RBFOX1: variants seen among roughly 807,000 people sequenced by gnomAD.
RBFOX1 encodes RNA binding fox-1 homolog 1.
A neutral mutation model predicts 57.7 loss-of-function variants in RBFOX1; 8 were observed. The observed-to-expected ratio is 0.14, with a 90% CI of 0.08 to 0.25. RBFOX1 has a LOEUF of 0.25. RBFOX1 is among the 10% of genes least tolerant of loss of function. The pLI is 1.00. For missense variants in RBFOX1, 611 were observed against 548.5 expected, an observed-to-expected ratio of 1.11 and a Z score of -1.14; for synonymous variants, 326 against 222.4, an observed-to-expected ratio of 1.47 and a Z score of -4.15.
At chr16:6,775,518 A>G (rs1285599780) in intron 3 of RBFOX1, among the ~76,000 whole-genome samples, 1 of 152,158 alleles carries the variant, frequency 6.6e-6, no homozygotes. Flanking sequence ...AGATGCAACC[A>G]ATTATATCAT....
chr16:5,834,460 C>G (rs2056384504), intron 3 of RBFOX1, among the ~76,000 whole-genome samples: 1 of 152,136 alleles, frequency 6.6e-6, no homozygotes, highest in Non-Finnish European at 1.5e-5. Context: ...AGTAGTATTC[C>G]ATGGCACACA....
chr16:6,875,238 C>T (rs915342888), intron 3 of RBFOX1, among the ~76,000 whole-genome samples: 8 of 152,116 alleles, frequency 5.3e-5, no homozygotes, highest in African/African-American at 1.7e-4. Context: ...TATTGTAATT[C>T]AGGAAATTTC....
chr16:7,097,479 AGAGT>A (rs2061901431), intron 4 of RBFOX1, among the ~76,000 whole-genome samples: 2 of 152,298 alleles, frequency 1.3e-5, no homozygotes, highest in South Asian at 2.1e-4. Context: ...GGACAGTAAG[AGAGT>A]GAGTGGAGTT....
upstream of RBFOX1, among the ~76,000 whole-genome samples, chr16:6,015,232 T>C (rs2152342208): frequency 6.6e-6 from 1 of 152,288 alleles, no homozygotes; most frequent in Admixed American, 6.5e-5. Context: ...CTGTTTAATA[T>C]ATCACTGATA....
chr16:5,969,621 C>G (rs550033834), intron 4 of RBFOX1, among the ~76,000 whole-genome samples: 7 of 151,694 alleles, frequency 4.6e-5, no homozygotes, highest in African/African-American at 7.3e-5. Context: ...CATGTCCAGC[C>G]TTTGTTGTTC....
intron 3 of RBFOX1, among the ~76,000 whole-genome samples, chr16:5,758,664 G>A (rs982494499): frequency 6.6e-6 from 1 of 152,154 alleles, no homozygotes; most frequent in African/African-American, 2.4e-5. Context: ...GCACAGTTCT[G>A]GTGATCACTA....
At chr16:6,678,602 G>T (rs12149756) in intron 3 of RBFOX1, among the ~76,000 whole-genome samples, 1 of 149,430 alleles carries the variant, frequency 6.7e-6, no homozygotes, top group African/African-American at 2.5e-5. Context: ...TTTTGACAGC[G>T]GATTGCATAC....
chr16:6,453,992 C>G (rs147907319), intron 2 of RBFOX1, among the ~76,000 whole-genome samples: 1 of 152,288 alleles, frequency 6.6e-6, no homozygotes, highest in African/African-American at 2.4e-5. Flanking sequence ...TTGGTTTGTT[C>G]TGAGGCTTTC....
intron 5 of RBFOX1, among the ~76,000 whole-genome samples, chr16:7,531,222 G>A (rs1411506113): frequency 1.3e-5 from 2 of 152,164 alleles, no homozygotes; most frequent in African/African-American, 2.4e-5. Context: ...AAATGTAAAT[G>A]CCCATTCTGA....
chr16:5,277,286 T>C (rs2063164429), intron 1 of RBFOX1, among the ~76,000 whole-genome samples: 1 of 151,208 alleles, frequency 6.6e-6, no homozygotes, highest in East Asian at 1.9e-4. Flanking sequence ...AATGAAACAG[T>C]GGACTTTGGG....
intron 3 of RBFOX1, among the ~76,000 whole-genome samples, chr16:6,956,328 T>A (rs1397166234): frequency 6.6e-6 from 1 of 152,140 alleles, no homozygotes; most frequent in African/African-American, 2.4e-5. Context: ...ATCTCCCACA[T>A]TAATTATTCC....
intron 2 of RBFOX1, among the ~76,000 whole-genome samples, chr16:6,650,903 T>C (rs915978117): frequency 3.9e-5 from 6 of 152,092 alleles, no homozygotes; most frequent in Non-Finnish European, 5.9e-5. Flanking sequence ...GTTTAATTGA[T>C]TGGTTGGTTG....
At chr16:6,263,125 G>T (rs990762172) in intron 1 of RBFOX1, among the ~76,000 whole-genome samples, 1 of 152,102 alleles carries the variant, frequency 6.6e-6, no homozygotes, top group African/African-American at 2.4e-5. Context: ...TGCGCCTGTG[G>T]GTTGAAATGG....
At chr16:5,558,252 G>T (rs1226391359) in intron 2 of RBFOX1, among the ~76,000 whole-genome samples, 3 of 152,132 alleles carry the variant, frequency 2.0e-5, no homozygotes, top group Non-Finnish European at 2.9e-5. Context: ...TAACACACAA[G>T]CTGTCTGCAG....
intron 2 of RBFOX1, among the ~76,000 whole-genome samples, chr16:6,516,241 C>G (rs558815377): frequency 1.7e-4 from 26 of 152,260 alleles, no homozygotes; most frequent in African/African-American, 5.8e-4. Context: ...GTTGGCCAGG[C>G]TAGTCTCGAA....
intron 3 of RBFOX1, among the ~76,000 whole-genome samples, chr16:5,657,670 CTTTTCT>C (rs369753617): frequency 0.32 from 29,130 of 89,936 alleles, 3,565 homozygotes; most frequent in East Asian, 0.44. Flanking sequence ...TTCTTTCTTT[CTTTTCT>C]TTTCTTTCTT....
chr16:7,691,841 G>C (rs986594060), intron 14 of RBFOX1, among the ~76,000 whole-genome samples: 2 of 152,160 alleles, frequency 1.3e-5, no homozygotes, highest in Non-Finnish European at 2.9e-5. Context: ...TGAATGCCTA[G>C]TGCAAAGACC....
In RBFOX1 at chr16:6,568,228, C is replaced by G. The variant is rs148979568; in HGVS notation, c.-63-86375C>G. On this transcript the variant is annotated intron_variant, in intron 2 of 15. Coordinates refer to ENST00000550418, the MANE Select transcript of RBFOX1 (RefSeq NM_018723.4). ...TCCAGGAATCTGGGAGTGGCTCTAG[C>G]TCTAGTTTCCTTGTGAGGTGGTGGT... Among the ~76,000 whole-genome samples the G allele has an allele frequency of 1.4e-4, 22 of 152,270 alleles. No individual in the cohort carries two copies. The East Asian group carries it at 4.3e-3, about 29-fold the overall frequency.
At position 7,079,146 on chromosome 16, in the gene RBFOX1, C is replaced by T. The variant is rs568513543; in HGVS notation, c.27+27048C>T. On this transcript the variant is annotated intron_variant, in intron 4 of 15. Transcript: ENST00000550418. ...AGCAGGAGCCATACATTGTCTGTTG[C>T]TGTAGGATTATAATCAGACTCACTG... 3.9e-5 allele frequency among the ~76,000 whole-genome samples: 6 copies of T among 152,150 alleles called. No individual in the cohort carries two copies. In the South Asian group the frequency reaches 6.2e-4, roughly 16 times the overall value.
Sources: allele counts gnomAD v4.1 joint callset (sites outside exome capture counted in the v4.1 genomes callset), GRCh38; gene constraint gnomAD v4.1.1; transcripts MANE v1.5; gene names NCBI Gene and HGNC (gene_info 2026-07-23, HGNC 2026-07-21).